SGCZ: variants seen among roughly 807,000 people sequenced by gnomAD.
SGCZ encodes zeta-sarcoglycan.
In SGCZ, 40 loss-of-function variants were observed where a neutral mutation model predicts 41.3. The ratio of observed to expected loss-of-function variants is 0.97; its 90% CI spans 0.75 to 1.26. The LOEUF (loss-of-function observed/expected upper bound fraction) is 1.26. SGCZ is among the 50% of genes most tolerant of loss of function. The probability of loss-of-function intolerance (pLI) is 0.00; values close to 1 mark genes in which losing one functional copy is unlikely to be tolerated. For synonymous variants in SGCZ, 206 were observed against 137.5 expected (o/e 1.50, Z -3.49); for missense variants, 552 against 369.8 (o/e 1.49, Z -4.04).
chr8:15,172,363 T>G (rs986762248), intron 1 of SGCZ, among the ~76,000 whole-genome samples: 1 of 151,176 alleles, frequency 6.6e-6, no homozygotes, highest in Non-Finnish European at 1.5e-5. Flanking sequence ...GGTTTCACCG[T>G]GTCAGCCAGG....
chr8:14,837,138 T>G (rs1216425353), intron 1 of SGCZ, among the ~76,000 whole-genome samples: 1 of 152,178 alleles, frequency 6.6e-6, no homozygotes, highest in Non-Finnish European at 1.5e-5. Context: ...AAACAGGCCT[T>G]CTCTGCAATC....
intron 1 of SGCZ, among the ~76,000 whole-genome samples, chr8:15,177,413 G>A (rs1432001994): frequency 6.6e-6 from 1 of 152,122 alleles, no homozygotes; most frequent in Non-Finnish European, 1.5e-5. Flanking sequence ...ATATGGCATG[G>A]CCAAGTATTC....
intron 1 of SGCZ, among the ~76,000 whole-genome samples, chr8:15,206,501 A>C (rs1325817276): frequency 1.4e-5 from 2 of 146,966 alleles, no homozygotes; most frequent in African/African-American, 5.0e-5. Flanking sequence ...CCCAGGCTGC[A>C]GTACATGGCA....
chr8:14,620,518 G>A (rs1419897487), intron 1 of SGCZ, among the ~76,000 whole-genome samples: 27 of 152,074 alleles, frequency 1.8e-4, no homozygotes, highest in African/African-American at 6.3e-4. Context: ...CAGAATGGGA[G>A]AAAATTTTTG....
chr8:15,153,291 T>C (rs988286853), intron 1 of SGCZ, among the ~76,000 whole-genome samples: 1 of 152,242 alleles, frequency 6.6e-6, no homozygotes, highest in Admixed American at 6.5e-5. Context: ...CTAAAACAAA[T>C]GTCTAATGCA....
intron 5 of SGCZ, among the ~76,000 whole-genome samples, chr8:14,156,925 A>G (rs1803892890): frequency 6.6e-6 from 1 of 152,172 alleles, no homozygotes; most frequent in Non-Finnish European, 1.5e-5. Flanking sequence ...GATGTTCTCC[A>G]GTTAACTTTT....
chr8:14,323,276 T>C (rs936968803), intron 3 of SGCZ, among the ~76,000 whole-genome samples: 4 of 152,068 alleles, frequency 2.6e-5, no homozygotes, highest in Non-Finnish European at 4.4e-5. Flanking sequence ...ATCTTCTACA[T>C]TGATTAAAAT....
chr8:15,155,985 G>T (rs922251874), intron 1 of SGCZ, among the ~76,000 whole-genome samples: 2 of 149,686 alleles, frequency 1.3e-5, no homozygotes, highest in African/African-American at 5.0e-5. Flanking sequence ...TTGAACTTGG[G>T]AGGCAGAGGT....
chr8:15,100,967 C>A (rs1195293332), intron 1 of SGCZ, among the ~76,000 whole-genome samples: 2 of 151,218 alleles, frequency 1.3e-5, no homozygotes, highest in African/African-American at 4.9e-5. Context: ...CAGAGTGAGA[C>A]CATGTCTCAA....
intron 1 of SGCZ, among the ~76,000 whole-genome samples, chr8:14,844,457 T>C (rs945922068): frequency 9.9e-5 from 15 of 152,186 alleles, no homozygotes; most frequent in African/African-American, 3.4e-4. Context: ...GTAACAAACG[T>C]GACTTCGGGA....
intron 3 of SGCZ, among the ~76,000 whole-genome samples, chr8:14,301,518 T>C (rs960931152): frequency 2.0e-5 from 3 of 152,158 alleles, no homozygotes; most frequent in Non-Finnish European, 4.4e-5. Context: ...CAGTCTTTTA[T>C]GAAAGGAACA....
intron 1 of SGCZ, among the ~76,000 whole-genome samples, chr8:14,565,713 G>C (rs1232796001): frequency 6.6e-6 from 1 of 151,914 alleles, no homozygotes; most frequent in Non-Finnish European, 1.5e-5. Flanking sequence ...GAAAAACAAT[G>C]GTAAGAAAAC....
At chr8:15,008,320 G>A (rs1156642927) in intron 1 of SGCZ, among the ~76,000 whole-genome samples, 1 of 151,630 alleles carries the variant, frequency 6.6e-6, no homozygotes, top group African/African-American at 2.4e-5. Context: ...TTTAACAATG[G>A]TTGTGATATT....
intron 2 of SGCZ, among the ~76,000 whole-genome samples, chr8:14,415,052 T>G (rs67208007): frequency 6.6e-6 from 1 of 151,638 alleles, no homozygotes; most frequent in Non-Finnish European, 1.5e-5. Flanking sequence ...CTGCTACTTA[T>G]ATCTTTTTTT....
intron 4 of SGCZ, among the ~76,000 whole-genome samples, chr8:14,189,013 G>A (rs1209737141): frequency 1.0e-5 from 1 of 98,700 alleles, no homozygotes; most frequent in Admixed American, 1.1e-4. Flanking sequence ...CTGCCACCAC[G>A]CCCAGCTTTT....
intron 4 of SGCZ, among the ~76,000 whole-genome samples, chr8:14,224,852 G>A (rs1226232727): frequency 6.6e-6 from 1 of 152,088 alleles, no homozygotes; most frequent in Non-Finnish European, 1.5e-5. Context: ...ACTTGCTCTT[G>A]TTACTTATAC....
intron 1 of SGCZ, among the ~76,000 whole-genome samples, chr8:14,884,598 G>A (rs1397848818): frequency 6.6e-6 from 1 of 151,780 alleles, no homozygotes; most frequent in Non-Finnish European, 1.5e-5. Flanking sequence ...CTACTCTCAT[G>A]GTTTTTAAAG....
At chr8:14,150,635 AT>A (rs1803671770) in intron 5 of SGCZ, among the ~76,000 whole-genome samples, 1 of 152,134 alleles carries the variant, frequency 6.6e-6, no homozygotes, top group African/African-American at 2.4e-5. Flanking sequence ...AACAAAAAAA[AT>A]TGAGCTACCA....
chr8:14,454,163 G>A (rs1229520408), intron 2 of SGCZ, among the ~76,000 whole-genome samples: 1 of 152,184 alleles, frequency 6.6e-6, no homozygotes, highest in Non-Finnish European at 1.5e-5. Flanking sequence ...GTGTCAGATA[G>A]TAAGAGCCAA....
Sources: gnomAD v4.1 joint callset for allele counts (sites outside exome capture counted in the v4.1 genomes callset) on GRCh38, gnomAD v4.1.1 for gene constraint, MANE v1.5 for transcripts, NCBI Gene and HGNC (gene_info 2026-07-23, HGNC 2026-07-21) for gene names.